Variants in MGST2 observed in about 807,000 individuals in gnomAD.
MGST2 encodes microsomal glutathione S-transferase 2.
Under a neutral mutation model 16.6 loss-of-function variants are expected in MGST2, and 9 were observed. That is an observed-to-expected ratio of 0.54 (90% CI 0.33 to 0.95). MGST2 has a LOEUF of 0.95. Ranked by LOEUF, MGST2 falls within the 40% of genes least tolerant of loss-of-function variation. MGST2 has a pLI of 0.03. For missense variants in MGST2, 159 were observed against 175.1 expected, an observed-to-expected ratio of 0.91 and a Z score of 0.52; for synonymous variants, 79 against 68.0, an observed-to-expected ratio of 1.16 and a Z score of -0.79.
the MGST2 span, among the ~76,000 whole-genome samples, chr4:139,748,408 A>G: frequency 6.6e-6 from 1 of 152,190 alleles, no homozygotes; most frequent in Non-Finnish European, 1.5e-5. Flanking sequence ...TAGAAATGGA[A>G]AGAAGTGGAG....
intron 5 of MGST2, among the ~76,000 whole-genome samples, chr4:139,736,643 A>T (rs1728958776): frequency 6.6e-6 from 1 of 152,234 alleles, no homozygotes; most frequent in Admixed American, 6.5e-5. Flanking sequence ...AAAATGAGTA[A>T]CTAAAAATTA....
In MGST2 at chr4:139,735,533, G is replaced by A. The variant is rs1728902528; in HGVS notation, c.*49-4679G>A. 6.6e-6 allele frequency among the ~76,000 whole-genome samples: 1 copy of A among 152,060 alleles called. No individual in the cohort carries two copies. Among genetic ancestry groups the A allele is most frequent in the Non-Finnish European group, 1.5e-5 (1 of 67,994 alleles). Reference sequence around the variant, plus strand: ...CAGCCCGGGAGGGACCGGGTTCCAGGACCCCAGCTGCACAAAGCCGGCCCG... The same window carrying A: ...CAGCCCGGGAGGGACCGGGTTCCAGAACCCCAGCTGCACAAAGCCGGCCCG... On this transcript the variant is annotated intron_variant, in intron 5 of 5. Transcript: ENST00000616265. This position sits in a 1 kb window ranked among gnomAD's most constrained non-coding sequence, Gnocchi z 5.8.
At chr4:139,692,206 A>T (rs1726651596) in intron 2 of MGST2, among the ~76,000 whole-genome samples, 1 of 152,222 alleles carries the variant, frequency 6.6e-6, no homozygotes, top group South Asian at 2.1e-4. Context: ...AGGTACAGAG[A>T]TATGGTGCTG....
chr4:139,684,890 ACCT>A (rs1301151596), intron 2 of MGST2, among the ~76,000 whole-genome samples: 1 of 151,914 alleles, frequency 6.6e-6, no homozygotes, highest in African/African-American at 2.4e-5. Context: ...TAAGCCTCCC[ACCT>A]CCTGTGATGG....
chr4:139,680,491 C>T (rs903018423), intron 2 of MGST2, among the ~76,000 whole-genome samples: 3 of 152,128 alleles, frequency 2.0e-5, no homozygotes, highest in African/African-American at 4.8e-5. Context: ...CTTCAAGTTG[C>T]GGGATGCTCT....
chr4:139,671,941 C>T (rs8192032), intron 1 of MGST2, among the ~76,000 whole-genome samples: 252 of 152,220 alleles, frequency 1.7e-3, no homozygotes, highest in African/African-American at 5.8e-3. Flanking sequence ...CGCACCTGGC[C>T]CCACTCTCAT....
In MGST2 at chr4:139,735,473, G is replaced by C. The variant is rs569637267; in HGVS notation, c.*49-4739G>C. ...TAGGGGGGCAGTGGCGACCTCCGGGGGGGGAGGGTGGCGGACACCAGACCC... is the reference window on the plus strand; with the variant it reads ...TAGGGGGGCAGTGGCGACCTCCGGGCGGGGAGGGTGGCGGACACCAGACCC... On this transcript the variant is annotated intron_variant, in intron 5 of 5. Transcript: ENST00000616265. This position sits in a 1 kb window ranked among gnomAD's most constrained non-coding sequence, Gnocchi z 5.8. Among the ~76,000 whole-genome samples the C allele has an allele frequency of 6.6e-6, 1 of 151,912 alleles. No homozygotes were observed. The highest frequency in any genetic ancestry group is 6.5e-5 in the Admixed American group (1 of 15,274).
chr4:139,734,842 G>C (rs1363132796), intron 5 of MGST2, among the ~76,000 whole-genome samples: 1 of 152,272 alleles, frequency 6.6e-6, no homozygotes, highest in East Asian at 1.9e-4. Flanking sequence ...CACAAAAGAC[G>C]GCCGGCGGCG....
rs553600528 is a variant in MGST2, at chr4:139,696,111, G to A, written c.229+844G>A. ...ATTTACTATTTATTAAGTGGAAGTG[G>A]ACCATCATAAAGGTCTTCATCCTCA... On this transcript the variant is annotated intron_variant, in intron 3 of 4. Transcript: ENST00000265498. 1.2e-4 allele frequency among the ~76,000 whole-genome samples: 18 copies of A among 152,272 alleles called. No individual in the cohort carries two copies. The South Asian group carries it at 3.5e-3, about 30-fold the overall frequency.
chr4:139,714,416 T>G (rs913134329), intron 5 of MGST2, among the ~76,000 whole-genome samples: 6 of 152,224 alleles, frequency 3.9e-5, no homozygotes, highest in African/African-American at 1.4e-4. Flanking sequence ...TTTGCCAGCA[T>G]GCTAAGCTTC....
At chr4:139,729,044 G>A (rs934976368) in intron 5 of MGST2, among the ~76,000 whole-genome samples, 3 of 151,082 alleles carry the variant, frequency 2.0e-5, no homozygotes, top group South Asian at 2.1e-4. Flanking sequence ...GCTCCTTGTC[G>A]CACACCTTAT....
intron 1 of MGST2, among the ~76,000 whole-genome samples, chr4:139,670,375 T>A (rs1415674424): frequency 2.0e-5 from 3 of 151,838 alleles, no homozygotes; most frequent in African/African-American, 7.3e-5. Flanking sequence ...AAGCCTTCAG[T>A]GGGTGGTCCC....
At chr4:139,726,868 A>G (rs1728493295) in intron 5 of MGST2, among the ~76,000 whole-genome samples, 1 of 152,192 alleles carries the variant, frequency 6.6e-6, no homozygotes, top group South Asian at 2.1e-4. Context: ...GGGAAAGAAA[A>G]TAAGAGTGAT....
At chr4:139,675,520 C>T (rs1049049700) in intron 1 of MGST2, among the ~76,000 whole-genome samples, 15 of 152,190 alleles carry the variant, frequency 9.9e-5, no homozygotes, top group African/African-American at 3.1e-4. Flanking sequence ...AGGGAAACGT[C>T]GGCAGGTAGG....
At chr4:139,717,045 A>ATATT (rs1413421703) in intron 5 of MGST2, 2 of 152,456 alleles carry the variant, frequency 1.3e-5, no homozygotes, top group East Asian at 1.9e-4. Context: ...CAGTATATAT[A>ATATT]TATTTATATG....
chr4:139,747,264 C>T, the MGST2 span, among the ~76,000 whole-genome samples: 2 of 152,246 alleles, frequency 1.3e-5, no homozygotes, highest in East Asian at 1.9e-4. Context: ...GAGTTTGTGG[C>T]GCCGGTGGGA....
At chr4:139,682,872 GAA>G (rs74269656) in intron 2 of MGST2, among the ~76,000 whole-genome samples, 1 of 130,952 alleles carries the variant, frequency 7.6e-6, no homozygotes, top group Non-Finnish European at 1.7e-5. Flanking sequence ...AGGAAAAAAA[GAA>G]AAAAAAAAAA....
At chr4:139,725,839 G>C (rs776694897) in intron 5 of MGST2, 8 of 1,613,154 alleles carry the variant, frequency 5.0e-6, no homozygotes, top group Non-Finnish European at 6.8e-6. Context: ...GCAACTGCTA[G>C]AACAACAGAA....
intron 1 of MGST2, 43 bp from the exon 2 acceptor site, chr4:139,678,500 T>C (rs369403258): frequency 6.9e-7 from 1 of 1,439,990 alleles, no homozygotes; most frequent in African/African-American, 1.4e-5. Context: ...TAATGACTAA[T>C]GACGTGCCCC....
Sources: allele counts gnomAD v4.1 joint callset (sites outside exome capture counted in the v4.1 genomes callset), GRCh38; gene constraint gnomAD v4.1.1; non-coding constraint Gnocchi (gnomAD v3.1); transcripts MANE v1.5; gene names NCBI Gene and HGNC (gene_info 2026-07-23, HGNC 2026-07-21).